PTPRS: variants seen among roughly 807,000 people sequenced by gnomAD.
PTPRS encodes the protein receptor-type tyrosine-protein phosphatase S.
Under a neutral mutation model 215.3 loss-of-function variants are expected in PTPRS, and 63 were observed. That is an observed-to-expected ratio of 0.29 (90% CI 0.24 to 0.36). The LOEUF is 0.36. PTPRS is among the 10% of genes least tolerant of loss of function. PTPRS has a pLI of 1.00. For missense variants in PTPRS, 2,258 were observed against 2,825.8 expected, an observed-to-expected ratio of 0.80 and a Z score of 4.56; for synonymous variants, 1,404 against 1,191.4, an observed-to-expected ratio of 1.18 and a Z score of -3.68.
At chr19:5,208,453 A>G (rs1266954210) in intron 35 of PTPRS, 62 bp from the exon 36 acceptor site, 4 of 1,373,486 alleles carry the variant, frequency 2.9e-6, no homozygotes, top group Non-Finnish European at 3.9e-6. Flanking sequence ...GTTTTTCTCC[A>G]TCCTCCCTAT....
chr19:5,208,433 G>A (rs777679677), intron 35 of PTPRS, 42 bp from the exon 36 acceptor site: 18 of 1,460,722 alleles, frequency 1.2e-5, no homozygotes, highest in Middle Eastern at 1.8e-4. Context: ...GGTCAGCAGC[G>A]GCCATGGGGG....
intron 11 of PTPRS, among the ~76,000 whole-genome samples, chr19:5,243,592 G>A (rs2044230736): frequency 6.6e-6 from 1 of 151,938 alleles, no homozygotes; most frequent in South Asian, 2.1e-4. Flanking sequence ...TGATTCTCCT[G>A]CCTCAGCCTC....
chr19:5,316,740 G>A (rs2049887378), intron 1 of PTPRS, among the ~76,000 whole-genome samples: 1 of 152,026 alleles, frequency 6.6e-6, no homozygotes, highest in African/African-American at 2.4e-5. Flanking sequence ...GGTTGGCCAG[G>A]CTGGTCTCGA....
intron 16 of PTPRS, 24 bp from the exon 17 acceptor site, chr19:5,225,868 C>A: frequency 6.2e-7 from 1 of 1,600,030 alleles, no homozygotes; most frequent in Non-Finnish European, 8.6e-7. Context: ...TGGGGGTCAG[C>A]ACGACGGCTG....
intron 1 of PTPRS, among the ~76,000 whole-genome samples, chr19:5,324,215 A>T (rs866569117): frequency 2.4e-4 from 35 of 143,956 alleles, no homozygotes; most frequent in Non-Finnish European, 3.6e-4. Flanking sequence ...AGACAGAGCG[A>T]AACCCTGCCT....
chr19:5,219,282 G>T (rs1167838389), intron 23 of PTPRS, 28 bp downstream of exon 23: 19 of 1,612,996 alleles, frequency 1.2e-5, no homozygotes, highest in Non-Finnish European at 1.6e-5. Context: ...CTGCTGTCAA[G>T]TCAAGTCGGG....
intron 8 of PTPRS, among the ~76,000 whole-genome samples, chr19:5,256,391 C>T (rs1434765641): frequency 6.6e-6 from 1 of 152,106 alleles, no homozygotes; most frequent in Non-Finnish European, 1.5e-5. Context: ...GATTCTGGAG[C>T]ATCTAAGACC....
chr19:5,210,719 G>T lies in PTPRS; in HGVS notation c.5321C>A (p.Thr1774Lys), dbSNP rs753489907. ...CAGCTTGGTCAGCATCACCACGATC[G>T]TCGAATTGTTCTCCCACAGCATGCG... ...FWRMLWENNS[T>K]IVVMLTKLRE... The change falls in exon 34 of 38, where the codon ACG (threonine) becomes AAG (lysine). Residue 1774 changes from threonine (T) to lysine (K), a missense_variant. This residue lies in a region of PTPRS where 927 missense variants were observed against 1,125.9 expected (regional missense o/e 0.82). Transcript: ENST00000262963. The surrounding 1 kb of genome is among the most constrained non-coding windows in gnomAD (Gnocchi z 4.5). The T allele has an allele frequency of 6.2e-7, 1 of 1,614,172 alleles. No homozygotes were observed. Among genetic ancestry groups the T allele is most frequent in the South Asian group, 1.1e-5 (1 of 91,088 alleles).
Position 5,211,928 on chromosome 19 carries a change from CCCACCCCGCCCACAGCAGCCT to C in PTPRS, c.5055+16_5055+36del. The C allele has an allele frequency of 5.2e-6, 8 of 1,550,618 alleles. No homozygotes were observed. Among genetic ancestry groups the C allele is most frequent in the Non-Finnish European group, 7.0e-6 (8 of 1,149,422 alleles). On this transcript the variant is annotated intron_variant, in intron 32 of 37. Transcript: ENST00000262963. Reference sequence around the variant, plus strand: ...GATTTTCGGCTCTTTGGGCCTCCTCCCCACCCCGCCCACAGCAGCCTCCACCCCGCTGGCACCTTGAACTCG... The same window carrying C: ...GATTTTCGGCTCTTTGGGCCTCCTCCCCACCCCGCTGGCACCTTGAACTCG...
chr19:5,206,567 GGCC>G lies in PTPRS; in HGVS notation c.*204_*206del. ...AATGTGCCAAGTATTTGAAGGCGGC[GGCC>G]GGTGCCAGGGAGGTCGCTGGGGCGG... On this transcript the variant is annotated 3_prime_UTR_variant, in exon 38 of 38. Coordinates refer to ENST00000262963, the MANE Select transcript of PTPRS (RefSeq NM_002850.4). 1 of 508,790 alleles carries G rather than the reference GGCC, an allele frequency of 2.0e-6. No homozygotes were observed. The allele number at this position is 508,790 out of a possible 1,614,324, so 31.5% of individuals were successfully genotyped here.
At chr19:5,247,843 G>A (rs909956719) in intron 9 of PTPRS, among the ~76,000 whole-genome samples, 3 of 151,970 alleles carry the variant, frequency 2.0e-5, no homozygotes, top group Admixed American at 6.6e-5. Context: ...AAGGGGGGAC[G>A]TCGGCAGGCG....
chr19:5,286,441 A>G (rs895375924), intron 1 of PTPRS: 84 of 415,242 alleles, frequency 2.0e-4, no homozygotes, highest in Non-Finnish European at 1.5e-4. Context: ...ACAAAAAATC[A>G]TATGTTGAAA....
At chr19:5,268,035 T>C (rs577099566) in intron 4 of PTPRS, among the ~76,000 whole-genome samples, 1 of 152,174 alleles carries the variant, frequency 6.6e-6, no homozygotes, top group East Asian at 1.9e-4. Flanking sequence ...CCGGGCTTGG[T>C]GACGGGCACC....
At chr19:5,264,082 G>A (rs2046227732) in intron 5 of PTPRS, among the ~76,000 whole-genome samples, 1 of 152,178 alleles carries the variant, frequency 6.6e-6, no homozygotes, top group Non-Finnish European at 1.5e-5. Context: ...TCTGTCCCAA[G>A]GTCTCCCTAG....
intron 1 of PTPRS, among the ~76,000 whole-genome samples, chr19:5,334,234 C>G (rs2050420575): frequency 6.6e-6 from 1 of 152,226 alleles, no homozygotes; most frequent in Admixed American, 6.5e-5. Flanking sequence ...TGGACCCCAT[C>G]GGGGGGCTGA....
intron 26 of PTPRS, among the ~76,000 whole-genome samples, chr19:5,216,043 AC>A (rs1273830276): frequency 6.6e-6 from 1 of 151,676 alleles, no homozygotes; most frequent in Non-Finnish European, 1.5e-5. Flanking sequence ...GGCGACTGAC[AC>A]CCCTTTCTGT....
chr19:5,321,123 A>T (rs1009615005), intron 1 of PTPRS, among the ~76,000 whole-genome samples: 7 of 152,084 alleles, frequency 4.6e-5, no homozygotes, highest in Non-Finnish European at 7.4e-5. Flanking sequence ...CAACAAAAAA[A>T]TTAGCCAGGC....
intron 9 of PTPRS, among the ~76,000 whole-genome samples, chr19:5,254,627 C>A (rs1186263014): frequency 2.0e-5 from 3 of 152,072 alleles, no homozygotes; most frequent in Non-Finnish European, 4.4e-5. Flanking sequence ...CCAAGGTTCC[C>A]CTGGGCTTTT....
At chr19:5,249,913 T>C (rs945242669) in intron 9 of PTPRS, among the ~76,000 whole-genome samples, 1 of 152,238 alleles carries the variant, frequency 6.6e-6, no homozygotes, top group African/African-American at 2.4e-5. Flanking sequence ...TTTGATCTTA[T>C]CTTAAAATAT....
Sources: gnomAD v4.1 joint callset for allele counts (sites outside exome capture counted in the v4.1 genomes callset) on GRCh38, gnomAD v4.1.1 for gene constraint, gnomAD v4.1.1 regional missense constraint, Gnocchi (gnomAD v3.1) non-coding constraint, MANE v1.5 for transcripts, NCBI Gene and HGNC (gene_info 2026-07-23, HGNC 2026-07-21) for gene names.